The following NSMAF variants were observed in gnomAD, a reference collection of about 807,000 sequenced individuals.
The protein encoded by NSMAF is neutral sphingomyelinase activation associated factor.
NSMAF carries 90 observed loss-of-function variants against 134.9 expected under a neutral mutation model. The observed-to-expected ratio is 0.67, with a 90% CI of 0.56 to 0.79. NSMAF has a LOEUF of 0.79. Among genes scored for constraint, NSMAF ranks in the 30% least tolerant of loss-of-function variants. NSMAF has a pLI of 0.00. For synonymous variants in NSMAF, 358 were observed against 389.6 expected, an observed-to-expected ratio of 0.92 and a Z score of 0.96; for missense variants, 1,010 against 1,119.0, an observed-to-expected ratio of 0.90 and a Z score of 1.39.
chr8:58,612,294 C>T (rs1454151289), intron 9 of NSMAF, among the ~76,000 whole-genome samples: 1 of 152,100 alleles, frequency 6.6e-6, no homozygotes, highest in African/African-American at 2.4e-5. Context: ...GACGAAACCT[C>T]CATAAATACC....
intron 20 of NSMAF, 144 bp downstream of exon 20, chr8:58,597,716 T>A (rs186389269): frequency 5.6e-6 from 5 of 895,052 alleles, no homozygotes; most frequent in African/African-American, 5.1e-5. Flanking sequence ...GAATATTTTC[T>A]GATGCTCAGT....
chr8:58,653,790 C>A, intron 1 of NSMAF, among the ~76,000 whole-genome samples: 1 of 152,106 alleles, frequency 6.6e-6, no homozygotes, highest in Non-Finnish European at 1.5e-5. Context: ...CCTTAAATGA[C>A]CATTCCTATT....
In NSMAF at chr8:58,590,004, T is replaced by C. The variant is rs1805985354; in HGVS notation, c.2087+3A>G. ...TCACAGAGCAGGGTGCACAGATACATACACATTATTATCCCATGAAGAAGT... is the reference window on the plus strand; with the variant it reads ...TCACAGAGCAGGGTGCACAGATACACACACATTATTATCCCATGAAGAAGT... On this transcript the variant is annotated splice_donor_region_variant and intron_variant, in intron 25 of 30. Coordinates refer to ENST00000038176, the MANE Select transcript of NSMAF (RefSeq NM_003580.4). 6.2e-7 allele frequency: 1 copy of C among 1,612,736 alleles called. No homozygotes were observed. Among genetic ancestry groups the C allele is most frequent in the Non-Finnish European group, 8.5e-7 (1 of 1,178,734 alleles).
At chr8:58,643,821 G>A (rs1020672806) in intron 1 of NSMAF, among the ~76,000 whole-genome samples, 2 of 152,098 alleles carry the variant, frequency 1.3e-5, no homozygotes, top group Non-Finnish European at 2.9e-5. Context: ...ATGAGCCACC[G>A]GCCCAGCCAA....
intron 9 of NSMAF, among the ~76,000 whole-genome samples, chr8:58,622,443 G>A (rs931960007): frequency 6.6e-6 from 1 of 151,848 alleles, no homozygotes; most frequent in African/African-American, 2.4e-5. Context: ...ACCCGAGCTG[G>A]AGTGCAGTGG....
chr8:58,623,160 A>T, intron 9 of NSMAF, 60 bp downstream of exon 9: 1 of 1,250,740 alleles, frequency 8.0e-7, no homozygotes, highest in Non-Finnish European at 1.2e-6. Context: ...TTGCTGAATG[A>T]GGCATACAGA....
chr8:58,617,136 G>A (rs1056529833), intron 9 of NSMAF, among the ~76,000 whole-genome samples: 31 of 152,018 alleles, frequency 2.0e-4, no homozygotes, highest in African/African-American at 7.5e-4. Context: ...GACTTTTGGG[G>A]TAGAAAAGGG....
intron 1 of NSMAF, among the ~76,000 whole-genome samples, chr8:58,654,938 G>A (rs1372178213): frequency 6.6e-6 from 1 of 152,052 alleles, no homozygotes; most frequent in African/African-American, 2.4e-5. Flanking sequence ...AAGTTCAAGC[G>A]ATTCTCTTGT....
At position 58,597,444 on chromosome 8, in the gene NSMAF, T is replaced by G. The variant is rs776234750; in HGVS notation, c.1735A>C (p.Lys579Gln). Reference protein sequence around the residue: ...VTPHPRRITPKFKSLSQTSSY... With the variant: ...VTPHPRRITPQFKSLSQTSSY... Reference sequence around the variant, plus strand: ...GAGGTCTGGGACAAACTTTTAAACTTTGGGGTGATCCTTCGAGGATGTGGT... The same window carrying G: ...GAGGTCTGGGACAAACTTTTAAACTGTGGGGTGATCCTTCGAGGATGTGGT... The change falls in exon 21 of 31, where the codon AAG becomes CAG. Residue 579 changes from lysine to glutamine, a missense_variant. Coordinates refer to ENST00000038176, the MANE Select transcript of NSMAF (RefSeq NM_003580.4). The G allele has an allele frequency of 6.2e-7, 1 of 1,614,136 alleles. No individual in the cohort carries two copies. Among genetic ancestry groups the G allele is most frequent in the South Asian group, 1.1e-5 (1 of 91,086 alleles).
At chr8:58,602,004 C>A in intron 14 of NSMAF, 54 bp downstream of exon 14, 1 of 1,379,116 alleles carries the variant, frequency 7.3e-7, no homozygotes, top group Non-Finnish European at 1.0e-6. Context: ...CATAAAAACA[C>A]AGGCCATGGC....
Position 58,583,741 on chromosome 8 carries a change from G to T in NSMAF, c.*365C>A. 1 of 263,456 alleles carries T rather than the reference G, an allele frequency of 3.8e-6. No homozygotes were observed. The highest frequency in any genetic ancestry group is 7.3e-6 in the Non-Finnish European group (1 of 136,234). The allele number at this position is 263,456 out of a possible 1,614,324, so 16.3% of individuals were successfully genotyped here. On this transcript the variant is annotated 3_prime_UTR_variant, in exon 31 of 31. Coordinates refer to ENST00000038176, the MANE Select transcript of NSMAF (RefSeq NM_003580.4). ...AGATTCAGAAGTAGCAGAGAATACT[G>T]CACATTTTCTTGGAAAATTTCTTAA...
chr8:58,602,004 C>T, intron 14 of NSMAF, 54 bp downstream of exon 14: 3 of 1,379,116 alleles, frequency 2.2e-6, no homozygotes, highest in South Asian at 2.5e-5. Context: ...CATAAAAACA[C>T]AGGCCATGGC....
At chr8:58,597,671 T>TCATTTAA in intron 20 of NSMAF, 121 bp from the exon 21 acceptor site, 1 of 1,037,148 alleles carries the variant, frequency 9.6e-7, no homozygotes, top group East Asian at 2.4e-5. Flanking sequence ...AGCAACTATG[T>TCATTTAA]ACCAGGATTG....
intron 23 of NSMAF, among the ~76,000 whole-genome samples, chr8:58,592,902 C>CAAAAAAAAAAAAAAAAA (rs1194341835): frequency 8.7e-6 from 1 of 114,400 alleles, no homozygotes; most frequent in East Asian, 2.8e-4. Flanking sequence ...AAAACAAAAA[C>CAAAAAAAAAAAAAAAAA]AAAAACAACA....
At position 58,588,405 on chromosome 8, in the gene NSMAF, G is replaced by A. The variant is rs1805941997; in HGVS notation, c.2212-704C>T. On this transcript the variant is annotated intron_variant, in intron 26 of 30. Coordinates refer to ENST00000038176, the MANE Select transcript of NSMAF (RefSeq NM_003580.4). Reference sequence around the variant, plus strand: ...AGAATAGCCTGTCTTCAGTCTTTAAGAACTCAGCTCCTTACATGGGCTTTG... The same window carrying A: ...AGAATAGCCTGTCTTCAGTCTTTAAAAACTCAGCTCCTTACATGGGCTTTG... 6 of 1,144,526 alleles carry A rather than the reference G, an allele frequency of 5.2e-6. No individual in the cohort carries two copies. The South Asian group carries it at 6.3e-5, about 12-fold the overall frequency. The allele number at this position is 1,144,526 out of a possible 1,614,324, so 70.9% of individuals were successfully genotyped here.
chr8:58,653,892 T>C (rs779409841), intron 1 of NSMAF, among the ~76,000 whole-genome samples: 1 of 152,198 alleles, frequency 6.6e-6, no homozygotes, highest in Non-Finnish European at 1.5e-5. Flanking sequence ...TTCTCAATGG[T>C]AGACACTTTG....
intron 10 of NSMAF, 98 bp downstream of exon 10, chr8:58,609,506 A>C: frequency 8.0e-7 from 1 of 1,249,184 alleles, no homozygotes; most frequent in Non-Finnish European, 1.2e-6. Flanking sequence ...ACATGACTTG[A>C]TCCTCATCAA....
intron 6 of NSMAF, among the ~76,000 whole-genome samples, chr8:58,626,373 C>A (rs1806931902): frequency 6.6e-6 from 1 of 152,266 alleles, no homozygotes; most frequent in Non-Finnish European, 1.5e-5. Flanking sequence ...GGATTACAGG[C>A]ATGAGCCACT....
intron 1 of NSMAF, among the ~76,000 whole-genome samples, chr8:58,646,622 A>G (rs1304030930): frequency 6.6e-6 from 1 of 152,182 alleles, no homozygotes; most frequent in Admixed American, 6.5e-5. Flanking sequence ...TCTTTTTACT[A>G]AAGTGTTGTT....
Sources: gnomAD v4.1 joint callset for allele counts (sites outside exome capture counted in the v4.1 genomes callset) on GRCh38, gnomAD v4.1.1 for gene constraint, MANE v1.5 for transcripts, NCBI Gene and HGNC (gene_info 2026-07-23, HGNC 2026-07-21) for gene names.